The following VNN1 variants were observed in gnomAD, a reference collection of about 807,000 sequenced individuals.
VNN1 encodes the protein vanin 1, also known as pantetheinase.
Under a neutral mutation model 41.9 loss-of-function variants are expected in VNN1, and 29 were observed. The observed-to-expected ratio is 0.69, with a 90% confidence interval of 0.52 to 0.94. The LOEUF (loss-of-function observed/expected upper bound fraction) is 0.94. Ranked by LOEUF, VNN1 falls within the 40% of genes least tolerant of loss-of-function variation. VNN1 has a pLI of 0.00. For synonymous variants in VNN1, 233 were observed against 224.4 expected (o/e 1.04, Z -0.34); for missense variants, 637 against 621.1 (o/e 1.03, Z -0.27).
At chr6:132,699,217 TA>T in intron 2 of VNN1, 1 of 334,892 alleles carries the variant, frequency 3.0e-6, no homozygotes, top group Non-Finnish European at 5.9e-6. Flanking sequence ...AGTTGTAATG[TA>T]AAGTGAAAGC....
Position 132,683,308 on chromosome 6 carries a change from T to C in VNN1, c.1374A>G (p.Gly458=). 6.2e-7 allele frequency: 1 copy of C among 1,613,542 alleles called. No individual in the cohort carries two copies. Among genetic ancestry groups the C allele is most frequent in the Admixed American group, 1.7e-5 (1 of 59,826 alleles). The change falls in exon 7 of 7, where the codon GGA becomes GGG. Residue 458 remains glycine (G), a synonymous_variant. Transcript: ENST00000367928. ...ATGTTGGCTTCAGACTAAACAAGCG[T>C]CCGTCAGTTGACACCTGATTAAAAC... is the stretch of plus-strand genomic sequence containing the variant. ...APGEFQVSTD[G]RLFSLKPTSG...
At chr6:132,704,892 A>G (rs371220112) in intron 2 of VNN1, among the ~76,000 whole-genome samples, 1 of 152,092 alleles carries the variant, frequency 6.6e-6, no homozygotes, top group East Asian at 1.9e-4. Flanking sequence ...ATTAGAGATT[A>G]CTATGAGCAA....
chr6:132,706,409 G>T (rs1000687436), intron 2 of VNN1, among the ~76,000 whole-genome samples: 1 of 152,188 alleles, frequency 6.6e-6, no homozygotes, highest in African/African-American at 2.4e-5. Flanking sequence ...TTGGGGAAAG[G>T]ACAGTTTTTT....
At position 132,681,996 on chromosome 6, in the gene VNN1, G is replaced by C. The variant is rs999395700; in HGVS notation, c.*1144C>G. On this transcript the variant is annotated 3_prime_UTR_variant, in exon 7 of 7. Coordinates refer to ENST00000367928, the MANE Select transcript of VNN1 (RefSeq NM_004666.3). ...CACAGCACTATGATATTAGTGCTCA[G>C]AGTCTATCAGTCAGTTGGGAGATAT... The C allele has an allele frequency of 3.9e-5, 6 of 152,408 alleles. No homozygotes were observed. 9.4% of individuals were successfully genotyped at this position (152,408 alleles called of 1,614,324 possible).
At chr6:132,686,141 CTTTTTAAAAAAAATG>C (rs1562213506) in intron 5 of VNN1, among the ~76,000 whole-genome samples, 1 of 152,162 alleles carries the variant, frequency 6.6e-6, no homozygotes, top group African/African-American at 2.4e-5. Context: ...CATACTTACA[CTTTTTAAAAAAAATG>C]TTTATCTGGG....
intron 5 of VNN1, among the ~76,000 whole-genome samples, chr6:132,687,723 GTTA>G (rs940159850): frequency 2.0e-5 from 3 of 152,128 alleles, no homozygotes; most frequent in African/African-American, 7.2e-5. Context: ...GCAGAGAAAG[GTTA>G]TTATTTTTAG....
chr6:132,707,720 T>C (rs1030995133), intron 2 of VNN1, among the ~76,000 whole-genome samples: 20 of 152,008 alleles, frequency 1.3e-4, no homozygotes, highest in African/African-American at 4.8e-4. Flanking sequence ...ATCAAAACAA[T>C]TGAACTCATG....
Position 132,694,161 on chromosome 6 carries a change from T to C in VNN1, c.363A>G (p.Gln121=). 6.2e-7 allele frequency: 1 copy of C among 1,610,608 alleles called. No homozygotes were observed. Among genetic ancestry groups the C allele is most frequent in the Non-Finnish European group, 8.5e-7 (1 of 1,178,312 alleles). ...NRNRFGQTPV[Q]ERLSCLAKNN... Reference sequence around the variant, plus strand: ...TCTTGGCCAGGCAGCTGAGTCTTTCTTGTACTGGGGTCTGGCCAAATCTGA... The same window carrying C: ...TCTTGGCCAGGCAGCTGAGTCTTTCCTGTACTGGGGTCTGGCCAAATCTGA... Residue 121 remains glutamine, a synonymous_variant, in exon 3 of 7, where the codon CAA becomes CAG. Coordinates refer to ENST00000367928, the MANE Select transcript of VNN1 (RefSeq NM_004666.3).
At chr6:132,700,213 T>C in intron 2 of VNN1, among the ~76,000 whole-genome samples, 1 of 152,210 alleles carries the variant, frequency 6.6e-6, no homozygotes, top group Non-Finnish European at 1.5e-5. Context: ...TTTGACACTG[T>C]AGTTACATAT....
At chr6:132,685,506 T>A (rs531343202) in intron 5 of VNN1, among the ~76,000 whole-genome samples, 2 of 152,316 alleles carry the variant, frequency 1.3e-5, no homozygotes, top group African/African-American at 4.8e-5. Context: ...AAAAGAACAC[T>A]ATTTTTTTTA....
intron 2 of VNN1, among the ~76,000 whole-genome samples, chr6:132,696,567 G>A (rs2745440): frequency 0.39 from 58,632 of 151,836 alleles, 12,635 homozygotes; most frequent in African/African-American, 0.58. Flanking sequence ...CAGCAAGACA[G>A]AAGTGACTCA....
chr6:132,688,882 T>C (rs1185664724), intron 5 of VNN1, among the ~76,000 whole-genome samples: 2 of 152,104 alleles, frequency 1.3e-5, no homozygotes, highest in Non-Finnish European at 2.9e-5. Flanking sequence ...GGAGTAATGA[T>C]TCCTTGTATA....
In VNN1 at chr6:132,683,109, T is replaced by C. The variant is rs1385412766; in HGVS notation, c.*31A>G. ...TTCTCATCCATCATTTTTTAAATTA[T>C]CCCAAATAAAAAAGAGAAAAAGTCA... is the stretch of plus-strand genomic sequence containing the variant. On this transcript the variant is annotated 3_prime_UTR_variant, in exon 7 of 7. Coordinates refer to ENST00000367928, the MANE Select transcript of VNN1 (RefSeq NM_004666.3). The C allele has an allele frequency of 1.3e-6, 2 of 1,557,920 alleles. No individual in the cohort carries two copies. The highest frequency in any genetic ancestry group is 1.7e-6 in the Non-Finnish European group (2 of 1,150,628).
chr6:132,692,915 A>G, intron 4 of VNN1, 109 bp downstream of exon 4: 1 of 1,253,334 alleles, frequency 8.0e-7, no homozygotes, highest in Non-Finnish European at 1.1e-6. Flanking sequence ...AAAAATTAAG[A>G]GCTGGAAAAC....
At chr6:132,710,031 A>G (rs1339313926) in intron 2 of VNN1, among the ~76,000 whole-genome samples, 1 of 152,092 alleles carries the variant, frequency 6.6e-6, no homozygotes, top group Non-Finnish European at 1.5e-5. Context: ...TGTCTCTGTA[A>G]GTAGTTTTTG....
chr6:132,683,311 G>A lies in VNN1; in HGVS notation c.1371C>T (p.Asp457=), dbSNP rs750178052. The change falls in exon 7 of 7, where the codon GAC becomes GAT. Residue 457 remains aspartate, a synonymous_variant. Transcript: ENST00000367928. ...TTGGCTTCAGACTAAACAAGCGTCCGTCAGTTGACACCTGATTAAAACAAA... is the reference window on the plus strand; with the variant it reads ...TTGGCTTCAGACTAAACAAGCGTCCATCAGTTGACACCTGATTAAAACAAA... The part of the protein sequence containing the change: ...LAPGEFQVST[D]GRLFSLKPTS... 1.2e-5 allele frequency: 20 copies of A among 1,613,144 alleles called. No homozygotes were observed. The highest frequency in any genetic ancestry group is 6.7e-5 in the East Asian group (3 of 44,864).
intron 5 of VNN1, among the ~76,000 whole-genome samples, chr6:132,688,009 C>T (rs2114336454): frequency 6.6e-6 from 1 of 152,226 alleles, no homozygotes; most frequent in African/African-American, 2.4e-5. Context: ...ACTTTTACCT[C>T]TCTTTGTGTC....
chr6:132,708,927 A>T (rs1778556457), intron 2 of VNN1, among the ~76,000 whole-genome samples: 1 of 152,108 alleles, frequency 6.6e-6, no homozygotes. Context: ...GGTTAGACAC[A>T]TACTCTGACC....
chr6:132,709,938 T>A (rs1167946451), intron 2 of VNN1, among the ~76,000 whole-genome samples: 3 of 152,150 alleles, frequency 2.0e-5, no homozygotes, highest in Non-Finnish European at 4.4e-5. Flanking sequence ...GAAATAATTA[T>A]GGTACAATTA....
Sources: allele counts gnomAD v4.1 joint callset (sites outside exome capture counted in the v4.1 genomes callset), GRCh38; gene constraint gnomAD v4.1.1; transcripts MANE v1.5; gene names NCBI Gene and HGNC (gene_info 2026-07-23, HGNC 2026-07-21).